Variants in MCTP1 observed in about 807,000 individuals in gnomAD.
The protein encoded by MCTP1 is multiple C2 and transmembrane domain containing 1, also known as multiple C2 and transmembrane domain-containing protein 1.
Under a neutral mutation model 120.6 loss-of-function variants are expected in MCTP1, and 69 were observed. That is an observed-to-expected ratio of 0.57 (90% confidence interval 0.47 to 0.70). The LOEUF (loss-of-function observed/expected upper bound fraction) is 0.70. MCTP1 is among the 30% of genes least tolerant of loss of function. The probability of loss-of-function intolerance (pLI) is 0.00; values close to 1 mark genes in which losing one functional copy is unlikely to be tolerated. For synonymous variants in MCTP1, 529 were observed against 493.1 expected (o/e 1.07, Z -0.96); for missense variants, 1,203 against 1,248.8 (o/e 0.96, Z 0.55).
At chr5:95,089,064 A>G (rs1477799025) in intron 1 of MCTP1, among the ~76,000 whole-genome samples, 1 of 152,202 alleles carries the variant, frequency 6.6e-6, no homozygotes, top group Non-Finnish European at 1.5e-5. Flanking sequence ...ATTCCTCTTT[A>G]TTATATACCA....
intron 1 of MCTP1, among the ~76,000 whole-genome samples, chr5:95,180,273 G>A (rs1453458165): frequency 3.9e-5 from 6 of 152,148 alleles, no homozygotes; most frequent in Admixed American, 3.9e-4. Flanking sequence ...AACAATGTAG[G>A]AGGCAGTCAC....
chr5:94,726,115 T>G (rs901766276), intron 19 of MCTP1, among the ~76,000 whole-genome samples: 1 of 152,204 alleles, frequency 6.6e-6, no homozygotes, highest in African/African-American at 2.4e-5. Flanking sequence ...CATTCCCAGC[T>G]TGAAGAAACT....
chr5:94,995,598 T>C (rs906240088), intron 2 of MCTP1, among the ~76,000 whole-genome samples: 2 of 152,184 alleles, frequency 1.3e-5, no homozygotes, highest in African/African-American at 4.8e-5. Flanking sequence ...AAGATGACTT[T>C]CTTTTCTGGG....
chr5:95,037,739 C>T (rs1841600152), intron 1 of MCTP1, among the ~76,000 whole-genome samples: 1 of 152,032 alleles, frequency 6.6e-6, no homozygotes, highest in Non-Finnish European at 1.5e-5. Flanking sequence ...CAGTGGCAGG[C>T]ACCTATAATC....
intron 19 of MCTP1, among the ~76,000 whole-genome samples, chr5:94,755,698 G>A (rs2152823652): frequency 6.6e-6 from 1 of 152,244 alleles, no homozygotes; most frequent in Non-Finnish European, 1.5e-5. Flanking sequence ...TTCAGTATAT[G>A]TTCTGTTTTT....
intron 19 of MCTP1, among the ~76,000 whole-genome samples, chr5:94,776,423 T>G (rs552606103): frequency 5.9e-5 from 9 of 152,272 alleles, no homozygotes; most frequent in African/African-American, 2.2e-4. Context: ...GCTCTCATTC[T>G]GTGCCACGTA....
At chr5:94,901,519 A>G (rs1805532597) in intron 10 of MCTP1, among the ~76,000 whole-genome samples, 1 of 152,096 alleles carries the variant, frequency 6.6e-6, no homozygotes, top group Non-Finnish European at 1.5e-5. Flanking sequence ...GGTACCTCAG[A>G]GAGTGAGAAA....
intron 16 of MCTP1, among the ~76,000 whole-genome samples, chr5:94,869,582 A>C (rs1352674653): frequency 6.6e-6 from 1 of 151,950 alleles, no homozygotes; most frequent in Non-Finnish European, 1.5e-5. Context: ...ACCACCAAAT[A>C]CTCCATTGTT....
chr5:95,073,231 C>T (rs924195215), intron 1 of MCTP1, among the ~76,000 whole-genome samples: 15 of 152,254 alleles, frequency 9.9e-5, no homozygotes, highest in African/African-American at 4.8e-5. Context: ...ATAGGAGAGA[C>T]GGCGTCCACA....
In MCTP1 at chr5:94,781,205, A is replaced by G. The variant is rs993264808; in HGVS notation, c.2557-2042T>C. On this transcript the variant is annotated intron_variant, in intron 18 of 22. Transcript: ENST00000515393. The stretch of plus-strand genomic sequence containing the variant: ...CATCAAGGAAAATGAGATGAATACT[A>G]TACTTTTACTCCTGTGAATAAAGTC... Among the ~76,000 whole-genome samples, 4 of 151,626 alleles carry G rather than the reference A, an allele frequency of 2.6e-5. No individual in the cohort carries two copies. The South Asian group carries it at 6.2e-4, about 24-fold the overall frequency.
intron 3 of MCTP1, among the ~76,000 whole-genome samples, chr5:94,944,304 T>C (rs956560302): frequency 3.3e-5 from 5 of 152,120 alleles, no homozygotes; most frequent in African/African-American, 9.7e-5. Context: ...CAATAAATAT[T>C]CTCCTTGATC....
chr5:94,739,778 C>T (rs1765102598), intron 19 of MCTP1, among the ~76,000 whole-genome samples: 1 of 152,166 alleles, frequency 6.6e-6, no homozygotes, highest in Non-Finnish European at 1.5e-5. Context: ...AATTTTCCTG[C>T]CTCACCACTC....
chr5:95,062,818 T>A (rs988577291), intron 1 of MCTP1, among the ~76,000 whole-genome samples: 1 of 149,376 alleles, frequency 6.7e-6, no homozygotes, highest in Admixed American at 6.7e-5. Context: ...TTGTTTTTTT[T>A]GTTGTTTTGT....
chr5:94,864,680 C>T (rs1796475337), intron 17 of MCTP1, among the ~76,000 whole-genome samples: 1 of 151,852 alleles, frequency 6.6e-6, no homozygotes. Context: ...AAAACAATTC[C>T]AAATGGACAG....
intron 2 of MCTP1, among the ~76,000 whole-genome samples, chr5:94,982,320 G>A (rs186479345): frequency 2.6e-5 from 4 of 152,120 alleles, no homozygotes; most frequent in Admixed American, 1.3e-4. Flanking sequence ...TCTTGGTACT[G>A]ATACAATAAC....
At chr5:95,098,980 T>C (rs905240020) in intron 1 of MCTP1, among the ~76,000 whole-genome samples, 5 of 152,108 alleles carry the variant, frequency 3.3e-5, no homozygotes, top group African/African-American at 9.7e-5. Flanking sequence ...TATCTGCAAC[T>C]ATCTGATCTT....
intron 1 of MCTP1, among the ~76,000 whole-genome samples, chr5:95,132,655 G>A (rs1759135305): frequency 6.6e-6 from 1 of 152,164 alleles, no homozygotes; most frequent in Admixed American, 6.5e-5. Context: ...TGCCAGGTGT[G>A]CTGTCCCCCC....
chr5:95,251,104 C>T (rs982892145), intron 1 of MCTP1, among the ~76,000 whole-genome samples: 2 of 152,056 alleles, frequency 1.3e-5, no homozygotes, highest in African/African-American at 2.4e-5. Context: ...CGGACAGAGA[C>T]AAGTGCTATA....
chr5:94,996,980 C>A (rs1391096469), intron 2 of MCTP1, among the ~76,000 whole-genome samples: 2 of 152,120 alleles, frequency 1.3e-5, no homozygotes, highest in African/African-American at 4.8e-5. Flanking sequence ...GTATCCCTGG[C>A]TAACAGAGGA....
Sources: gnomAD v4.1 joint callset for allele counts (sites outside exome capture counted in the v4.1 genomes callset) on GRCh38, gnomAD v4.1.1 for gene constraint, MANE v1.5 for transcripts, NCBI Gene and HGNC (gene_info 2026-07-23, HGNC 2026-07-21) for gene names.